The following ST18 variants were observed in gnomAD, a reference collection of about 807,000 sequenced individuals.
ST18 encodes ST18 C2H2C-type zinc finger transcription factor, also known as suppression of tumorigenicity 18 protein.
A neutral mutation model predicts 110.0 loss-of-function variants in ST18; 50 were observed. The observed-to-expected ratio is 0.45, with a 90% CI of 0.36 to 0.58. The LOEUF is 0.58. Ranked by LOEUF, ST18 falls within the 20% of genes least tolerant of loss-of-function variation. The pLI is 0.00. For missense variants in ST18, 1,306 were observed against 1,280.1 expected (o/e 1.02, Z -0.31); for synonymous variants, 461 against 452.4 (o/e 1.02, Z -0.24).
At chr8:52,350,561 T>C (rs1819827321) in intron 2 of ST18, among the ~76,000 whole-genome samples, 1 of 152,130 alleles carries the variant, frequency 6.6e-6, no homozygotes, top group African/African-American at 2.4e-5. Context: ...ACAATCCTTT[T>C]CTAACTCTTG....
chr8:52,214,363 C>T lies in ST18; in HGVS notation c.1-106G>A, dbSNP rs531891231. On this transcript the variant is annotated intron_variant, in intron 6 of 25. Coordinates refer to ENST00000689386, the MANE Select transcript of ST18 (RefSeq NM_001352837.2). ...GGTCATTATGAAAAACAGTAGCCTT[C>T]CATGCTCTTGACTCACAGCCCGGCT... 17 of 1,215,786 alleles carry T rather than the reference C, an allele frequency of 1.4e-5. No individual in the cohort carries two copies. The East Asian group carries it at 3.5e-4, about 25-fold the overall frequency. 75.3% of individuals were successfully genotyped at this position (1,215,786 alleles called of 1,614,324 possible). A position where few individuals can be genotyped will look rare whatever the true frequency, so the allele number is the denominator to read the frequency against.
intron 2 of ST18, among the ~76,000 whole-genome samples, chr8:52,325,966 G>C (rs970379728): frequency 1.3e-4 from 20 of 152,160 alleles, no homozygotes; most frequent in Non-Finnish European, 2.8e-4. Flanking sequence ...GCTGTAAGCT[G>C]CTTCTGAGAT....
intron 2 of ST18, among the ~76,000 whole-genome samples, chr8:52,253,746 T>C (rs2094427276): frequency 6.6e-6 from 1 of 152,120 alleles, no homozygotes; most frequent in African/African-American, 2.4e-5. Flanking sequence ...TTTTGCAATC[T>C]CATAAATTAT....
intron 2 of ST18, among the ~76,000 whole-genome samples, chr8:52,390,781 G>A (rs1471092864): frequency 6.6e-6 from 1 of 152,172 alleles, no homozygotes; most frequent in African/African-American, 2.4e-5. Context: ...CACTACAGAA[G>A]GAAAGTACCC....
chr8:52,130,165 A>AAGAAAGAAAG (rs753293510), intron 22 of ST18, among the ~76,000 whole-genome samples: 5 of 119,654 alleles, frequency 4.2e-5, no homozygotes, highest in Admixed American at 1.6e-4. Flanking sequence ...GAAAGAAAGA[A>AAGAAAGAAAG]AAAGAAAAGA....
intron 2 of ST18, among the ~76,000 whole-genome samples, chr8:52,285,269 G>A (rs753490054): frequency 1.3e-5 from 2 of 152,102 alleles, no homozygotes; most frequent in African/African-American, 2.4e-5. Context: ...TATGATCTTG[G>A]TCCTTTCCCC....
At chr8:52,287,804 A>G (rs2095493117) in intron 2 of ST18, among the ~76,000 whole-genome samples, 1 of 152,190 alleles carries the variant, frequency 6.6e-6, no homozygotes, top group Non-Finnish European at 1.5e-5. Context: ...ATGCAGTTAC[A>G]TATCTGAGCT....
At chr8:52,203,881 G>A (rs1436126838) in intron 8 of ST18, among the ~76,000 whole-genome samples, 1 of 152,220 alleles carries the variant, frequency 6.6e-6, no homozygotes, top group Non-Finnish European at 1.5e-5. Flanking sequence ...AAAGCTGCAA[G>A]GGAGCTGTGT....
chr8:52,318,616 A>G (rs1264869601), intron 2 of ST18, among the ~76,000 whole-genome samples: 1 of 152,178 alleles, frequency 6.6e-6, no homozygotes, highest in Non-Finnish European at 1.5e-5. Flanking sequence ...TTGCAGCACT[A>G]TTCACAATAG....
intron 16 of ST18, among the ~76,000 whole-genome samples, chr8:52,146,856 T>A (rs2057447296): frequency 6.6e-6 from 1 of 152,208 alleles, no homozygotes; most frequent in African/African-American, 2.4e-5. Context: ...GATTCAGAAG[T>A]ACTTTTATGT....
At chr8:52,214,092 G>T in intron 7 of ST18, 111 bp downstream of exon 7, 2 of 1,153,688 alleles carry the variant, frequency 1.7e-6, no homozygotes, top group Non-Finnish European at 2.5e-6. Context: ...GAAAAAAGAA[G>T]CCCTGAGGAA....
intron 2 of ST18, among the ~76,000 whole-genome samples, chr8:52,367,233 G>GCCACACACACACAC (rs1564591511): frequency 4.0e-4 from 53 of 131,276 alleles, no homozygotes; most frequent in South Asian, 9.7e-4. Flanking sequence ...GCGGGACCCT[G>GCCACACACACACAC]TCTCACACAC....
In ST18 at chr8:52,171,506, A is replaced by T. The variant is rs2064943240; in HGVS notation, c.1069+286T>A. The stretch of plus-strand genomic sequence containing the variant: ...ACTTCCAATAATGTCAAATAAAGTT[A>T]TTTCTAAAGGTATGATGCATTTATA... On this transcript the variant is annotated intron_variant, in intron 10 of 25. Transcript: ENST00000689386. 22 of 487,354 alleles carry T rather than the reference A, an allele frequency of 4.5e-5. 1 individual carries two copies. Among genetic ancestry groups the T allele is most frequent in the South Asian group, 3.3e-4 (20 of 59,834 alleles). 30.2% of individuals were successfully genotyped at this position (487,354 alleles called of 1,614,324 possible).
chr8:52,363,895 C>T (rs924594548), intron 2 of ST18, among the ~76,000 whole-genome samples: 25 of 152,106 alleles, frequency 1.6e-4, no homozygotes, highest in African/African-American at 5.8e-4. Context: ...GTGCTTTAGG[C>T]ATGTCTCTGG....
intron 2 of ST18, among the ~76,000 whole-genome samples, chr8:52,264,284 T>C (rs1466596337): frequency 6.6e-6 from 1 of 152,212 alleles, no homozygotes; most frequent in Non-Finnish European, 1.5e-5. Flanking sequence ...ATTATAGAGA[T>C]GCCTTCTTCT....
At chr8:52,348,617 G>C (rs978882006) in intron 2 of ST18, among the ~76,000 whole-genome samples, 2 of 152,058 alleles carry the variant, frequency 1.3e-5, no homozygotes, top group Non-Finnish European at 2.9e-5. Flanking sequence ...GGTGGTGTGC[G>C]CCTGTAATCC....
At chr8:52,195,270 AAAG>A (rs2075840721) in intron 8 of ST18, among the ~76,000 whole-genome samples, 1 of 152,226 alleles carries the variant, frequency 6.6e-6, no homozygotes, top group Non-Finnish European at 1.5e-5. Flanking sequence ...CAAGATACTG[AAAG>A]AATTCAGATA....
Position 52,110,957 on chromosome 8 carries a change from A to G in ST18, c.*2241T>C. 2 of 398,478 alleles carry G rather than the reference A, an allele frequency of 5.0e-6. No homozygotes were observed. Among genetic ancestry groups the G allele is most frequent in the Non-Finnish European group, 8.9e-6 (2 of 225,752 alleles). The allele number at this position is 398,478 out of a possible 1,614,324, so 24.7% of individuals were successfully genotyped here. A position where few individuals can be genotyped will look rare whatever the true frequency, so the allele number is the denominator to read the frequency against. ...AACAGTATACAAACAAACTACCTCA[A>G]ATTAAAAAAAATGCATACATCATTG... On this transcript the variant is annotated 3_prime_UTR_variant, in exon 26 of 26. Transcript: ENST00000689386.
At chr8:52,365,863 T>A (rs2140508587) in intron 2 of ST18, among the ~76,000 whole-genome samples, 1 of 150,896 alleles carries the variant, frequency 6.6e-6, no homozygotes, top group East Asian at 1.9e-4. Flanking sequence ...CATGCCTAGC[T>A]AATTTTTTTT....
Sources: gnomAD v4.1 joint callset for allele counts (sites outside exome capture counted in the v4.1 genomes callset) on GRCh38, gnomAD v4.1.1 for gene constraint, MANE v1.5 for transcripts, NCBI Gene and HGNC (gene_info 2026-07-23, HGNC 2026-07-21) for gene names.